Variants in RPGRIP1L observed in about 807,000 individuals in gnomAD.
RPGRIP1L encodes the protein protein fantom.
A neutral mutation model predicts 160.4 loss-of-function variants in RPGRIP1L; 131 were observed. The ratio of observed to expected loss-of-function variants is 0.82; its 90% CI spans 0.71 to 0.94. The LOEUF is 0.94. Ranked by LOEUF, RPGRIP1L falls within the 40% of genes least tolerant of loss-of-function variation. The pLI, the probability that RPGRIP1L is intolerant of heterozygous loss-of-function variation, is 0.00. For synonymous variants in RPGRIP1L, 510 were observed against 515.8 expected, an observed-to-expected ratio of 0.99 and a Z score of 0.15; for missense variants, 1,522 against 1,535.8, an observed-to-expected ratio of 0.99 and a Z score of 0.15.
At chr16:53,673,229 C>T (rs1446771610) in intron 7 of RPGRIP1L, among the ~76,000 whole-genome samples, 5 of 152,144 alleles carry the variant, frequency 3.3e-5, no homozygotes, top group African/African-American at 1.2e-4. Context: ...GAAGAAAATA[C>T]AGGGTTATCT....
Position 53,615,470 on chromosome 16 carries a change from A to ATTTTTTTTT in RPGRIP1L, c.3616+3554_3616+3555insAAAAAAAAA, listed in dbSNP as rs1436816285. Among the ~76,000 whole-genome samples the ATTTTTTTTT allele has an allele frequency of 5.9e-5, 5 of 85,244 alleles. 1 individual carries two copies. The highest frequency in any genetic ancestry group is 2.0e-4 in the African/African-American group (4 of 19,836). 55.9% of individuals were successfully genotyped at this position (85,244 alleles called of 152,430 possible). A position where few individuals can be genotyped will look rare whatever the true frequency, so the allele number is the denominator to read the frequency against. On this transcript the variant is annotated intron_variant, in intron 24 of 26. Coordinates refer to ENST00000647211, the MANE Select transcript of RPGRIP1L (RefSeq NM_015272.5). ...TCTAAGAATATATATATATATATAT[A>ATTTTTTTTT]TATTTTTTTTTTTTTTTTTTTGAGA...
chr16:53,690,804 T>C (rs144421002), intron 4 of RPGRIP1L, among the ~76,000 whole-genome samples: 155 of 152,238 alleles, frequency 1.0e-3, no homozygotes, highest in African/African-American at 3.5e-3. Flanking sequence ...TACCACTCCA[T>C]TTTATAGATG....
At chr16:53,649,309 T>C (rs998537923) in intron 15 of RPGRIP1L, among the ~76,000 whole-genome samples, 194 bp from the exon 16 acceptor site, 2 of 152,172 alleles carry the variant, frequency 1.3e-5, no homozygotes, top group South Asian at 4.1e-4. Context: ...ATGAGTTTCA[T>C]TGTATATTAA....
At chr16:53,611,564 T>G (rs1394492836) in intron 24 of RPGRIP1L, among the ~76,000 whole-genome samples, 8 of 152,136 alleles carry the variant, frequency 5.3e-5, no homozygotes, top group Non-Finnish European at 8.8e-5. Flanking sequence ...GGGAGGGGTA[T>G]GGGAGAGAAA....
intron 23 of RPGRIP1L, among the ~76,000 whole-genome samples, 198 bp downstream of exon 23, chr16:53,622,021 T>TAAA (rs1223141814): frequency 4.3e-5 from 1 of 23,188 alleles, no homozygotes; most frequent in African/African-American, 6.0e-4. Context: ...AGACTCCGTC[T>TAAA]CAAAAAAAAA....
Position 53,602,113 on chromosome 16 carries a change from G to C in RPGRIP1L, c.3911C>G (p.Ser1304Cys). ...GTCATCTCTGTATTGCTTGTAGACA[G>C]ACTGGAGGGCATGGAGAGCTTCGAC... ...VTVEALHALQ[S>C]VYKQYRDDLE... Residue 1304 changes from serine (S) to cysteine (C), a missense_variant, in exon 27 of 27, where the codon TCT becomes TGT. Coordinates refer to ENST00000647211, the MANE Select transcript of RPGRIP1L (RefSeq NM_015272.5). 1 of 1,613,608 alleles carries C rather than the reference G, an allele frequency of 6.2e-7. No individual in the cohort carries two copies. Among genetic ancestry groups the C allele is most frequent in the African/African-American group, 1.3e-5 (1 of 75,030 alleles).
intron 9 of RPGRIP1L, 121 bp from the exon 10 acceptor site, chr16:53,665,130 C>T: frequency 8.1e-7 from 1 of 1,237,298 alleles, no homozygotes; most frequent in African/African-American, 1.5e-5. Flanking sequence ...ATTAAGTAAA[C>T]ATATGCTGGT....
intron 21 of RPGRIP1L, 148 bp downstream of exon 21, chr16:53,637,547 T>C: frequency 1.4e-6 from 1 of 702,866 alleles, no homozygotes; most frequent in Non-Finnish European, 2.4e-6. Flanking sequence ...ACTAAGAAGA[T>C]GGAACTATAT....
chr16:53,627,212 C>A (rs1382773101), intron 22 of RPGRIP1L, among the ~76,000 whole-genome samples: 1 of 152,122 alleles, frequency 6.6e-6, no homozygotes. Context: ...AACCTGACAA[C>A]CCTTAAAAAT....
intron 10 of RPGRIP1L, among the ~76,000 whole-genome samples, chr16:53,661,432 G>A (rs1262979831): frequency 6.6e-6 from 1 of 152,016 alleles, no homozygotes; most frequent in East Asian, 1.9e-4. Flanking sequence ...TTTTTTGTTA[G>A]AGAATAGAAT....
At chr16:53,638,175 A>T in intron 20 of RPGRIP1L, 135 bp downstream of exon 20, 1 of 662,950 alleles carries the variant, frequency 1.5e-6, no homozygotes, top group Non-Finnish European at 2.7e-6. Context: ...CATATTTTTG[A>T]CTTTCTATTC....
intron 21 of RPGRIP1L, among the ~76,000 whole-genome samples, 154 bp downstream of exon 21, chr16:53,637,541 A>C (rs1388009634): frequency 3.3e-5 from 5 of 152,210 alleles, no homozygotes; most frequent in Non-Finnish European, 7.3e-5. Flanking sequence ...ACTACAACTA[A>C]GAAGATGGAA....
rs190462981 is a variant in RPGRIP1L, at chr16:53,624,851, G to A, written c.3295-2495C>T. Among the ~76,000 whole-genome samples the A allele has an allele frequency of 3.5e-4, 51 of 145,488 alleles. 1 individual carries two copies. The East Asian group carries it at 9.5e-3, about 27-fold the overall frequency. On this transcript the variant is annotated intron_variant, in intron 22 of 26. Transcript: ENST00000647211. ...GACTGTACTGCCGCGATCTCGGCTC[G>A]CTGCAACCTCCCTGCCTGATTCTCC...
chr16:53,648,722 C>T (rs977230512), intron 16 of RPGRIP1L, among the ~76,000 whole-genome samples: 28 of 151,404 alleles, frequency 1.8e-4, no homozygotes, highest in South Asian at 4.2e-4. Context: ...AGTATTGTCC[C>T]GATTTTGAAA....
At chr16:53,650,329 T>C (rs1966842670) in intron 15 of RPGRIP1L, among the ~76,000 whole-genome samples, 1 of 152,186 alleles carries the variant, frequency 6.6e-6, no homozygotes, top group Non-Finnish European at 1.5e-5. Context: ...TTAGGTATTC[T>C]GTTACAGCAG....
chr16:53,640,138 A>G (rs922684020), intron 19 of RPGRIP1L, among the ~76,000 whole-genome samples: 17 of 152,184 alleles, frequency 1.1e-4, no homozygotes, highest in Admixed American at 3.3e-4. Context: ...GTGAGAAAAA[A>G]GAGGAGTCAA....
At chr16:53,692,467 G>T in intron 3 of RPGRIP1L, 103 bp from the exon 4 acceptor site, 1 of 1,084,438 alleles carries the variant, frequency 9.2e-7, no homozygotes. Context: ...TGCAGAACCT[G>T]AATAATAAAT....
chr16:53,630,202 G>T (rs908149708), intron 22 of RPGRIP1L, among the ~76,000 whole-genome samples: 1 of 151,926 alleles, frequency 6.6e-6, no homozygotes, highest in Non-Finnish European at 1.5e-5. Flanking sequence ...GTGTCACCAG[G>T]CTTGGCCAAT....
In RPGRIP1L at chr16:53,656,458, C is replaced by G; in HGVS notation, c.1699+14G>C. ...CTCTAGTTACTGTGGACCAAAAAAT[C>G]GTATATGTTGTACCTTCTAGTTTAT... On this transcript the variant is annotated intron_variant, in intron 14 of 26. Transcript: ENST00000647211. 1 of 1,538,340 alleles carries G rather than the reference C, an allele frequency of 6.5e-7. No homozygotes were observed. The highest frequency in any genetic ancestry group is 9.0e-7 in the Non-Finnish European group (1 of 1,110,954).
Sources: allele counts gnomAD v4.1 joint callset (sites outside exome capture counted in the v4.1 genomes callset), GRCh38; gene constraint gnomAD v4.1.1; transcripts MANE v1.5; gene names NCBI Gene and HGNC (gene_info 2026-07-23, HGNC 2026-07-21).